Variants in VPS13D observed in about 807,000 individuals in gnomAD.
VPS13D encodes the protein intermembrane lipid transfer protein VPS13D.
Under a neutral mutation model 461.9 loss-of-function variants are expected in VPS13D, and 187 were observed. The ratio of observed to expected loss-of-function variants is 0.40; its 90% CI spans 0.36 to 0.46. VPS13D has a LOEUF of 0.46. Among genes scored for constraint, VPS13D ranks in the 20% least tolerant of loss-of-function variants. The probability of loss-of-function intolerance (pLI) is 0.60; values close to 1 mark genes in which losing one functional copy is unlikely to be tolerated. For synonymous variants in VPS13D, 1,951 were observed against 1,986.3 expected (o/e 0.98, Z 0.47); for missense variants, 4,711 against 5,364.9 (o/e 0.88, Z 3.81).
intron 65 of VPS13D, among the ~76,000 whole-genome samples, chr1:12,445,285 T>C (rs1009534960): frequency 2.0e-5 from 3 of 152,204 alleles, no homozygotes; most frequent in African/African-American, 7.2e-5. Flanking sequence ...TTGAACCAGA[T>C]CTCTCATTTT....
intron 60 of VPS13D, among the ~76,000 whole-genome samples, chr1:12,397,142 C>T (rs1026215702): frequency 2.6e-5 from 4 of 152,194 alleles, no homozygotes; most frequent in African/African-American, 9.7e-5. Context: ...CCATGTTGGC[C>T]AGGCTGGTCT....
chr1:12,414,746 A>G (rs1232732748), intron 63 of VPS13D, among the ~76,000 whole-genome samples: 1 of 152,210 alleles, frequency 6.6e-6, no homozygotes, highest in Admixed American at 6.5e-5. Flanking sequence ...TGAACTATAC[A>G]TTTGATTAGT....
intron 43 of VPS13D, among the ~76,000 whole-genome samples, chr1:12,345,986 C>T (rs1643667331): frequency 1.3e-5 from 2 of 151,976 alleles, no homozygotes; most frequent in African/African-American, 2.4e-5. Flanking sequence ...TGCCTGTAGT[C>T]CCAGTGGTTG....
At position 12,333,223 on chromosome 1, in the gene VPS13D, T is replaced by G. The variant is rs377737437; in HGVS notation, c.8288-3T>G. 1.2e-6 allele frequency: 2 copies of G among 1,613,278 alleles called. No individual in the cohort carries two copies. Among genetic ancestry groups the G allele is most frequent in the South Asian group, 2.2e-5 (2 of 90,956 alleles). On this transcript the variant is annotated splice_region_variant and splice_polypyrimidine_tract_variant and intron_variant, in intron 37 of 69. Coordinates refer to ENST00000620676, the MANE Select transcript of VPS13D (RefSeq NM_015378.4). ...AGATGTCTTATTTCCTGTGTTCTTT[T>G]AGGCTGGGAGCCATTTATTGAGCCT...
chr1:12,328,352 C>T (rs983078580), intron 36 of VPS13D, among the ~76,000 whole-genome samples: 2 of 147,068 alleles, frequency 1.4e-5, no homozygotes, highest in African/African-American at 5.0e-5. Flanking sequence ...AGTAGGAGTA[C>T]TCTATCCTTT....
chr1:12,401,583 T>C (rs1297965552), intron 61 of VPS13D, 25 bp from the exon 62 acceptor site: 3 of 1,584,750 alleles, frequency 1.9e-6, no homozygotes. Flanking sequence ...GTTCACACTT[T>C]AAATCAGAAT....
At chr1:12,372,887 C>T (rs1430087201) in intron 54 of VPS13D, among the ~76,000 whole-genome samples, 1 of 150,896 alleles carries the variant, frequency 6.6e-6, no homozygotes, top group Non-Finnish European at 1.5e-5. Flanking sequence ...TAAGTGTAGC[C>T]AGGCTGCAAC....
intron 3 of VPS13D, among the ~76,000 whole-genome samples, chr1:12,242,912 G>A (rs1640425273): frequency 6.6e-6 from 1 of 151,818 alleles, no homozygotes; most frequent in Non-Finnish European, 1.5e-5. Flanking sequence ...CTACATTCAA[G>A]GTTTCCTTTT....
At chr1:12,476,655 C>G (rs940094780) in intron 67 of VPS13D, among the ~76,000 whole-genome samples, 5 of 152,222 alleles carry the variant, frequency 3.3e-5, no homozygotes, top group African/African-American at 9.6e-5. Context: ...TAGCCTACCT[C>G]TTTGTTGCCT....
At position 12,463,648 on chromosome 1, in the gene VPS13D, G is replaced by A. The variant is rs113707291; in HGVS notation, c.12662+3252G>A. On this transcript the variant is annotated intron_variant, in intron 67 of 69. Transcript: ENST00000620676. Reference sequence around the variant, plus strand: ...TGTGCACCTCTGGTCCTTGCTACTTGGGAGGCTGAGGTGGGAAGATTGCTG... The same window carrying A: ...TGTGCACCTCTGGTCCTTGCTACTTAGGAGGCTGAGGTGGGAAGATTGCTG... Among the ~76,000 whole-genome samples the A allele has an allele frequency of 3.8e-3, 584 of 152,142 alleles. 3 individuals are homozygous for A. The highest frequency in any genetic ancestry group is 7.1e-3 in the South Asian group (34 of 4,810).
chr1:12,358,890 C>T (rs1005939584), intron 50 of VPS13D, among the ~76,000 whole-genome samples: 6 of 152,048 alleles, frequency 3.9e-5, no homozygotes, highest in African/African-American at 7.2e-5. Context: ...CCTTGTTTTT[C>T]GGGGGAATAA....
rs1451423606 is a variant in VPS13D, at chr1:12,353,957, C to T, written c.9432-17C>T. 3 of 1,607,962 alleles carry T rather than the reference C, an allele frequency of 1.9e-6. No homozygotes were observed. The highest frequency in any genetic ancestry group is 2.6e-6 in the Non-Finnish European group (3 of 1,176,306). ...TTCATTAAGTCTGATGATTTTTACACCATTTTATCTTCATAGGTTTTGTGT... is the reference window on the plus strand; with the variant it reads ...TTCATTAAGTCTGATGATTTTTACATCATTTTATCTTCATAGGTTTTGTGT... On this transcript the variant is annotated splice_polypyrimidine_tract_variant and intron_variant, in intron 46 of 69. Transcript: ENST00000620676.
intron 65 of VPS13D, among the ~76,000 whole-genome samples, chr1:12,442,155 A>G (rs1324261159): frequency 6.6e-6 from 1 of 152,210 alleles, no homozygotes; most frequent in African/African-American, 2.4e-5. Context: ...CTAAAACAAC[A>G]CTATCTGATA....
chr1:12,394,615 C>T (rs1024577357), intron 60 of VPS13D, among the ~76,000 whole-genome samples: 3 of 152,122 alleles, frequency 2.0e-5, no homozygotes, highest in Admixed American at 1.3e-4. Context: ...AAATCTGTTC[C>T]GCAAGGCATT....
intron 20 of VPS13D, among the ~76,000 whole-genome samples, chr1:12,280,523 C>T (rs1433479244): frequency 4.3e-5 from 6 of 141,104 alleles, no homozygotes; most frequent in East Asian, 2.0e-4. Context: ...TTTTTTGAGA[C>T]GGAGTCTCAG....
At chr1:12,234,433 C>G in intron 2 of VPS13D, 70 bp downstream of exon 2, 1 of 1,317,096 alleles carries the variant, frequency 7.6e-7, no homozygotes, top group Non-Finnish European at 1.1e-6. Context: ...TTTTGTTGTC[C>G]TGAGAATCAT....
chr1:12,479,473 C>T (rs1645683896), intron 67 of VPS13D, among the ~76,000 whole-genome samples: 2 of 152,234 alleles, frequency 1.3e-5, no homozygotes, highest in African/African-American at 2.4e-5. Flanking sequence ...CATTGACTAG[C>T]TTGCATGGTA....
At chr1:12,271,209 G>A in intron 17 of VPS13D, 85 bp downstream of exon 17, 1 of 1,534,382 alleles carries the variant, frequency 6.5e-7, no homozygotes, top group Non-Finnish European at 8.9e-7. Flanking sequence ...CTGTAGATAG[G>A]CTTACTTATA....
intron 60 of VPS13D, among the ~76,000 whole-genome samples, chr1:12,396,804 A>G (rs1644505030): frequency 6.6e-6 from 1 of 152,222 alleles, no homozygotes; most frequent in South Asian, 2.1e-4. Context: ...CACAGATAGA[A>G]AGTTAATATC....
Sources: allele counts gnomAD v4.1 joint callset (sites outside exome capture counted in the v4.1 genomes callset), GRCh38; gene constraint gnomAD v4.1.1; transcripts MANE v1.5; gene names NCBI Gene and HGNC (gene_info 2026-07-23, HGNC 2026-07-21).